Variants in LTBP1 observed in about 807,000 individuals in gnomAD.
LTBP1 encodes latent transforming growth factor beta binding protein 1, also known as latent-transforming growth factor beta-binding protein 1.
A neutral mutation model predicts 207.6 loss-of-function variants in LTBP1; 129 were observed. The observed-to-expected ratio is 0.62, with a 90% confidence interval of 0.54 to 0.72. LTBP1 has a LOEUF of 0.72. LTBP1 is among the 30% of genes least tolerant of loss of function. LTBP1 has a pLI of 0.00. For missense variants in LTBP1, 2,281 were observed against 2,217.2 expected, an observed-to-expected ratio of 1.03 and a Z score of -0.58; for synonymous variants, 963 against 833.7, an observed-to-expected ratio of 1.16 and a Z score of -2.67.
At chr2:33,263,892 G>A (rs1199327267) in intron 15 of LTBP1, among the ~76,000 whole-genome samples, 2 of 149,672 alleles carry the variant, frequency 1.3e-5, no homozygotes, top group African/African-American at 2.5e-5. Flanking sequence ...GGCGGAGATC[G>A]CAGTGAGCCA....
At position 33,017,475 on chromosome 2, in the gene LTBP1, C is replaced by T. The variant is rs114403404; in HGVS notation, c.566-3434C>T. 4.6e-3 allele frequency among the ~76,000 whole-genome samples: 696 copies of T among 152,230 alleles called. 8 individuals are homozygous for T. The highest frequency in any genetic ancestry group is 0.015 in the African/African-American group (617 of 41,514). The stretch of plus-strand genomic sequence containing the variant: ...AGGATATGTAGTTTCAAAGTTTTCC[C>T]GGATGATACTGCCGGCCTGGGCACC... On this transcript the variant is annotated intron_variant, in intron 2 of 33. Coordinates refer to ENST00000404816, the MANE Select transcript of LTBP1 (RefSeq NM_206943.4).
intron 23 of LTBP1, among the ~76,000 whole-genome samples, chr2:33,313,337 G>A (rs551347871): frequency 7.6e-4 from 116 of 152,304 alleles, no homozygotes; most frequent in African/African-American, 2.3e-3. Flanking sequence ...AATAAAGGAA[G>A]ACGTTTAAAC....
chr2:33,017,798 A>G (rs533399186), intron 2 of LTBP1, among the ~76,000 whole-genome samples: 1 of 152,216 alleles, frequency 6.6e-6, no homozygotes, highest in Non-Finnish European at 1.5e-5. Flanking sequence ...TTGTATTTTT[A>G]GTAGAGACGG....
chr2:33,285,120 C>T lies in LTBP1; in HGVS notation c.3112+4962C>T, dbSNP rs376800245. Among the ~76,000 whole-genome samples, 20 of 149,914 alleles carry T rather than the reference C, an allele frequency of 1.3e-4. No individual in the cohort carries two copies. The East Asian group carries it at 1.6e-3, about 12-fold the overall frequency. On this transcript the variant is annotated intron_variant, in intron 19 of 33. Transcript: ENST00000404816. Reference sequence around the variant, plus strand: ...GCAATGGCGTGATCTCGGCTCACTGCAACCTCCGCCTCCAGGGTTCAAGTG... The same window carrying T: ...GCAATGGCGTGATCTCGGCTCACTGTAACCTCCGCCTCCAGGGTTCAAGTG...
chr2:33,136,789 C>A (rs2082176740), intron 5 of LTBP1, among the ~76,000 whole-genome samples: 1 of 152,188 alleles, frequency 6.6e-6, no homozygotes, highest in Non-Finnish European at 1.5e-5. Flanking sequence ...ACTTTCCTTG[C>A]TGGCACTGAA....
At chr2:33,345,194 T>A (rs2094686035) in intron 25 of LTBP1, among the ~76,000 whole-genome samples, 1 of 152,248 alleles carries the variant, frequency 6.6e-6, no homozygotes, top group Non-Finnish European at 1.5e-5. Flanking sequence ...CAGTATCATT[T>A]CTCTAACCCA....
chr2:33,099,129 A>T (rs1239419853), intron 3 of LTBP1, among the ~76,000 whole-genome samples: 3 of 152,202 alleles, frequency 2.0e-5, no homozygotes, highest in African/African-American at 7.2e-5. Flanking sequence ...GTGTTAGAGG[A>T]TCTTGCAGGT....
intron 3 of LTBP1, among the ~76,000 whole-genome samples, chr2:33,025,759 G>C (rs1046585714): frequency 5.3e-5 from 8 of 152,194 alleles, no homozygotes; most frequent in African/African-American, 1.9e-4. Flanking sequence ...AATCCAGTGG[G>C]TTGAGGTATA....
chr2:33,323,355 G>A (rs544827122), intron 24 of LTBP1, among the ~76,000 whole-genome samples: 5 of 152,232 alleles, frequency 3.3e-5, no homozygotes, highest in African/African-American at 1.2e-4. Flanking sequence ...TAAAAAAATC[G>A]ACTAGGCGCG....
intron 9 of LTBP1, 133 bp from the exon 10 acceptor site, chr2:33,243,529 C>A (rs2092407114): frequency 1.4e-6 from 1 of 711,006 alleles, no homozygotes; most frequent in Non-Finnish European, 2.2e-6. Flanking sequence ...TAAGATTATT[C>A]ACACCTGCTA....
intron 9 of LTBP1, among the ~76,000 whole-genome samples, chr2:33,227,247 G>A (rs979613001): frequency 2.0e-5 from 3 of 151,960 alleles, no homozygotes; most frequent in Non-Finnish European, 4.4e-5. Flanking sequence ...GGCTGGTCTC[G>A]AATTCCTGGC....
Position 33,300,648 on chromosome 2 carries a change from G to A in LTBP1, c.3358+75G>A, listed in dbSNP as rs558994618. Reference sequence around the variant, plus strand: ...GTCTGAAAAAGGTACGCTCAATCAAGTGAGTTTACCTTTTAAAAATTACCC... The same window carrying A: ...GTCTGAAAAAGGTACGCTCAATCAAATGAGTTTACCTTTTAAAAATTACCC... On this transcript the variant is annotated intron_variant, in intron 21 of 33. Coordinates refer to ENST00000404816, the MANE Select transcript of LTBP1 (RefSeq NM_206943.4). The A allele has an allele frequency of 7.5e-6, 11 of 1,469,092 alleles. No homozygotes were observed. The East Asian group carries it at 2.4e-4, about 32-fold the overall frequency. The allele number at this position is 1,469,092 out of a possible 1,614,324, so 91.0% of individuals were successfully genotyped here.
chr2:32,979,723 G>C (rs185131776), intron 2 of LTBP1, among the ~76,000 whole-genome samples: 32 of 152,072 alleles, frequency 2.1e-4, no homozygotes, highest in African/African-American at 7.2e-4. Context: ...TTAAGTCCAT[G>C]ATTTCTTTGT....
chr2:33,333,153 T>G (rs557172076), intron 24 of LTBP1: 1 of 152,302 alleles, frequency 6.6e-6, no homozygotes, highest in African/African-American at 2.4e-5. Context: ...ATGCACATTT[T>G]TTCACCTTTA....
chr2:33,276,579 G>A (rs767624810), intron 18 of LTBP1, among the ~76,000 whole-genome samples: 19 of 152,204 alleles, frequency 1.2e-4, no homozygotes, highest in Non-Finnish European at 1.3e-4. Flanking sequence ...GGCCAGGCAC[G>A]GTGGCTCACG....
At chr2:33,380,416 A>T (rs904654598) in intron 31 of LTBP1, among the ~76,000 whole-genome samples, 1 of 125,292 alleles carries the variant, frequency 8.0e-6, no homozygotes, top group Admixed American at 7.6e-5. Flanking sequence ...GTTTCTACTA[A>T]AAAAATACAA....
intron 5 of LTBP1, among the ~76,000 whole-genome samples, chr2:33,160,782 C>T (rs1305633358): frequency 6.6e-6 from 1 of 152,170 alleles, no homozygotes; most frequent in East Asian, 1.9e-4. Flanking sequence ...TTTATGTACC[C>T]ACTCTATCTG....
chr2:33,254,858 T>G (rs1322246121), intron 11 of LTBP1, among the ~76,000 whole-genome samples: 5 of 96,820 alleles, frequency 5.2e-5, no homozygotes, highest in African/African-American at 2.1e-4. Context: ...TTTGGTTTTT[T>G]TTTTTTTTTT....
intron 3 of LTBP1, among the ~76,000 whole-genome samples, chr2:33,036,230 T>C (rs1312452628): frequency 6.6e-6 from 1 of 151,658 alleles, no homozygotes; most frequent in African/African-American, 2.4e-5. Flanking sequence ...ATTTGGTGGG[T>C]CTGGGGAGGG....
Sources: allele counts gnomAD v4.1 joint callset (sites outside exome capture counted in the v4.1 genomes callset), GRCh38; gene constraint gnomAD v4.1.1; transcripts MANE v1.5; gene names NCBI Gene and HGNC (gene_info 2026-07-23, HGNC 2026-07-21).